The following HLCS variants were observed in gnomAD, a reference collection of about 807,000 sequenced individuals.
HLCS encodes biotin--protein ligase.
Under a neutral mutation model 75.0 loss-of-function variants are expected in HLCS, and 53 were observed. The ratio of observed to expected loss-of-function variants is 0.71; its 90% confidence interval spans 0.57 to 0.89. The LOEUF (loss-of-function observed/expected upper bound fraction) is 0.89. Ranked by LOEUF, HLCS falls within the 40% of genes least tolerant of loss-of-function variation. HLCS has a pLI of 0.00. For synonymous variants in HLCS, 431 were observed against 428.6 expected (o/e 1.01, Z -0.07); for missense variants, 966 against 1,074.0 (o/e 0.90, Z 1.41).
intron 6 of HLCS, among the ~76,000 whole-genome samples, chr21:36,836,845 T>G (rs574219935): frequency 2.6e-5 from 4 of 152,206 alleles, no homozygotes; most frequent in Non-Finnish European, 5.9e-5. Context: ...TCTCATGTAG[T>G]CAGAACTGGA....
chr21:36,883,295 C>A (rs1442781566), intron 6 of HLCS, among the ~76,000 whole-genome samples: 1 of 152,112 alleles, frequency 6.6e-6, no homozygotes, highest in Non-Finnish European at 1.5e-5. Context: ...TCTAAATAAG[C>A]CACAAAGCTA....
At chr21:36,904,217 G>A (rs2065355560) in intron 5 of HLCS, among the ~76,000 whole-genome samples, 1 of 152,090 alleles carries the variant, frequency 6.6e-6, no homozygotes, top group Non-Finnish European at 1.5e-5. Context: ...CTTCTCTTTG[G>A]CAAAGTAAGT....
chr21:36,875,993 C>T (rs2063959446), intron 6 of HLCS, among the ~76,000 whole-genome samples: 1 of 152,184 alleles, frequency 6.6e-6, no homozygotes, highest in Admixed American at 6.5e-5. Context: ...GCAGAAGCCA[C>T]TTGTGGTACA....
chr21:36,887,944 T>C (rs1182077508), intron 6 of HLCS, among the ~76,000 whole-genome samples: 3 of 152,222 alleles, frequency 2.0e-5, no homozygotes, highest in African/African-American at 7.2e-5. Flanking sequence ...TAATGAATAA[T>C]CAAGGGATTT....
chr21:36,848,749 G>C (rs2062884293), intron 6 of HLCS, among the ~76,000 whole-genome samples: 1 of 152,052 alleles, frequency 6.6e-6, no homozygotes, highest in African/African-American at 2.4e-5. Context: ...GCTTAGAAAG[G>C]CCTTTCCTAT....
At chr21:36,896,600 A>G (rs1209406784) in intron 6 of HLCS, 2 of 529,952 alleles carry the variant, frequency 3.8e-6, no homozygotes. Flanking sequence ...ATCAAAGAAC[A>G]TTCTGAGGGC....
chr21:36,976,135 G>A (rs2068931130), intron 1 of HLCS, among the ~76,000 whole-genome samples: 1 of 152,124 alleles, frequency 6.6e-6, no homozygotes, highest in African/African-American at 2.4e-5. Flanking sequence ...CAAGATCCAA[G>A]ACGCAAGAGT....
chr21:36,868,885 C>T (rs2063667304), intron 6 of HLCS, among the ~76,000 whole-genome samples: 2 of 152,180 alleles, frequency 1.3e-5, no homozygotes, highest in East Asian at 1.9e-4. Context: ...CTCCAGGAGA[C>T]GAAGTGAAGG....
intron 10 of HLCS, among the ~76,000 whole-genome samples, chr21:36,755,227 C>T (rs766826453): frequency 3.2e-4 from 48 of 151,908 alleles, no homozygotes; most frequent in Non-Finnish European, 1.0e-4. Flanking sequence ...TGAGACCCTG[C>T]CTCTACAAAA....
At chr21:36,949,799 C>T (rs1050028392) in intron 2 of HLCS, among the ~76,000 whole-genome samples, 1 of 152,212 alleles carries the variant, frequency 6.6e-6, no homozygotes. Flanking sequence ...CTGGAAACAG[C>T]GCAGCGAACC....
chr21:36,840,291 A>T (rs1479922816), intron 6 of HLCS, among the ~76,000 whole-genome samples: 6 of 152,350 alleles, frequency 3.9e-5, no homozygotes, highest in Non-Finnish European at 7.3e-5. Flanking sequence ...GTGAATATTT[A>T]AAAAAATTTT....
chr21:36,922,224 T>G (rs1477761526), intron 5 of HLCS, among the ~76,000 whole-genome samples: 1 of 152,082 alleles, frequency 6.6e-6, no homozygotes, highest in East Asian at 1.9e-4. Flanking sequence ...AACTCCAATA[T>G]CTCCTTTTTA....
intron 5 of HLCS, among the ~76,000 whole-genome samples, chr21:36,913,938 G>C (rs1368750072): frequency 2.0e-5 from 3 of 152,180 alleles, no homozygotes; most frequent in Non-Finnish European, 4.4e-5. Flanking sequence ...TATTCACAAG[G>C]GTTCTGTAAT....
At chr21:36,957,736 C>CATCCT in intron 2 of HLCS, among the ~76,000 whole-genome samples, 1 of 151,306 alleles carries the variant, frequency 6.6e-6, no homozygotes, top group Non-Finnish European at 1.5e-5. Context: ...GAAATCATCC[C>CATCCT]GACTAACATG....
At chr21:36,772,180 T>A (rs1355527073) in intron 6 of HLCS, among the ~76,000 whole-genome samples, 1 of 152,180 alleles carries the variant, frequency 6.6e-6, no homozygotes, top group Non-Finnish European at 1.5e-5. Context: ...AAAACACAGA[T>A]ATATTTTACA....
intron 6 of HLCS, among the ~76,000 whole-genome samples, chr21:36,884,918 G>A (rs2064381607): frequency 6.6e-6 from 1 of 152,040 alleles, no homozygotes; most frequent in Non-Finnish European, 1.5e-5. Flanking sequence ...CATATCCAAG[G>A]GACTGCGAAA....
At chr21:36,875,346 G>C (rs751632451) in intron 6 of HLCS, among the ~76,000 whole-genome samples, 2 of 152,060 alleles carry the variant, frequency 1.3e-5, no homozygotes, top group African/African-American at 4.8e-5. Context: ...CTTTTTCCAG[G>C]ACCAGCCAGG....
intron 6 of HLCS, among the ~76,000 whole-genome samples, chr21:36,871,379 T>C (rs1041262851): frequency 6.6e-6 from 1 of 152,146 alleles, no homozygotes; most frequent in African/African-American, 2.4e-5. Flanking sequence ...ACTTTTTATA[T>C]AATTTGAGCT....
intron 6 of HLCS, among the ~76,000 whole-genome samples, chr21:36,767,588 T>C (rs1044830282): frequency 6.6e-5 from 10 of 152,224 alleles, no homozygotes; most frequent in African/African-American, 1.9e-4. Context: ...GGTTAGATTC[T>C]ATTTCATCAG....
Sources: allele counts gnomAD v4.1 joint callset (sites outside exome capture counted in the v4.1 genomes callset), GRCh38; gene constraint gnomAD v4.1.1; transcripts MANE v1.5; gene names NCBI Gene and HGNC (gene_info 2026-07-23, HGNC 2026-07-21).